The following CNTNAP2 variants were observed in gnomAD, a reference collection of about 807,000 sequenced individuals.
CNTNAP2 encodes the protein contactin-associated protein-like 2.
Under a neutral mutation model 155.2 loss-of-function variants are expected in CNTNAP2, and 98 were observed. That is an observed-to-expected ratio of 0.63 (90% CI 0.54 to 0.75). The LOEUF (loss-of-function observed/expected upper bound fraction) is 0.75. CNTNAP2 is among the 30% of genes least tolerant of loss of function. CNTNAP2 has a pLI of 0.00. For missense variants in CNTNAP2, 1,727 were observed against 1,688.1 expected (o/e 1.02, Z -0.40); for synonymous variants, 651 against 631.2 (o/e 1.03, Z -0.47).
At chr7:148,155,847 C>A (rs1466322262) in intron 17 of CNTNAP2, among the ~76,000 whole-genome samples, 1 of 152,188 alleles carries the variant, frequency 6.6e-6, no homozygotes, top group Non-Finnish European at 1.5e-5. Flanking sequence ...ATACCAGCGT[C>A]CCCTGACTGA....
intron 13 of CNTNAP2, among the ~76,000 whole-genome samples, chr7:147,833,874 T>C (rs1454652230): frequency 1.3e-5 from 2 of 152,142 alleles, no homozygotes; most frequent in Non-Finnish European, 2.9e-5. Context: ...TGGGGCTGAG[T>C]GTCACAGACA....
At chr7:148,187,401 G>C (rs1170584266) in intron 18 of CNTNAP2, among the ~76,000 whole-genome samples, 1 of 152,142 alleles carries the variant, frequency 6.6e-6, no homozygotes, top group Non-Finnish European at 1.5e-5. Context: ...GTAAACACAG[G>C]CCATGCCCTG....
intron 13 of CNTNAP2, among the ~76,000 whole-genome samples, chr7:147,875,453 T>C (rs1252178162): frequency 6.6e-6 from 1 of 152,082 alleles, no homozygotes; most frequent in Admixed American, 6.6e-5. Context: ...ATGATTCAAT[T>C]ACCTCCCACC....
intron 10 of CNTNAP2, among the ~76,000 whole-genome samples, chr7:147,437,896 T>G (rs540364150): frequency 6.6e-6 from 1 of 152,184 alleles, no homozygotes; most frequent in African/African-American, 2.4e-5. Context: ...ATTATAGAGA[T>G]CTTTCATTTC....
chr7:146,367,515 A>C (rs940148067), intron 1 of CNTNAP2, among the ~76,000 whole-genome samples: 13 of 152,184 alleles, frequency 8.5e-5, no homozygotes, highest in Non-Finnish European at 2.9e-5. Flanking sequence ...ATTTGTTACT[A>C]TTAGGATGCT....
chr7:146,715,656 T>C (rs182344589), intron 1 of CNTNAP2, among the ~76,000 whole-genome samples: 1 of 152,298 alleles, frequency 6.6e-6, no homozygotes, highest in Admixed American at 6.5e-5. Flanking sequence ...AAAATATTGC[T>C]TTTGATGAAT....
chr7:148,359,973 G>C (rs1225362154), intron 21 of CNTNAP2, among the ~76,000 whole-genome samples: 1 of 152,140 alleles, frequency 6.6e-6, no homozygotes, highest in Non-Finnish European at 1.5e-5. Flanking sequence ...TAACAGAGGG[G>C]ATCTCGAGAA....
intron 1 of CNTNAP2, among the ~76,000 whole-genome samples, chr7:146,364,775 A>C (rs1795132019): frequency 6.6e-6 from 1 of 152,198 alleles, no homozygotes; most frequent in Non-Finnish European, 1.5e-5. Flanking sequence ...ACAATGAAGG[A>C]CAGTGTTCTG....
intron 1 of CNTNAP2, among the ~76,000 whole-genome samples, chr7:146,594,612 G>A (rs879447608): frequency 6.6e-6 from 1 of 152,026 alleles, no homozygotes; most frequent in East Asian, 1.9e-4. Flanking sequence ...TACATAAAAA[G>A]TGAATTTCTT....
chr7:146,229,425 T>G (rs371602707), intron 1 of CNTNAP2, among the ~76,000 whole-genome samples: 33 of 152,312 alleles, frequency 2.2e-4, no homozygotes, highest in African/African-American at 7.0e-4. Context: ...TCCCAAAGCC[T>G]TTCTTTGTAA....
At chr7:147,915,237 T>A (rs1237589357) in intron 14 of CNTNAP2, among the ~76,000 whole-genome samples, 3 of 152,182 alleles carry the variant, frequency 2.0e-5, no homozygotes, top group Non-Finnish European at 2.9e-5. Flanking sequence ...AAGGAATTTC[T>A]CAGCAAGCTG....
intron 1 of CNTNAP2, among the ~76,000 whole-genome samples, chr7:146,432,147 A>G (rs1298072417): frequency 6.6e-6 from 1 of 152,142 alleles, no homozygotes; most frequent in Non-Finnish European, 1.5e-5. Flanking sequence ...AGTCAAACTC[A>G]GATGATTCAA....
At chr7:148,112,271 C>A in intron 15 of CNTNAP2, among the ~76,000 whole-genome samples, 1 of 151,776 alleles carries the variant, frequency 6.6e-6, no homozygotes, top group South Asian at 2.1e-4. Flanking sequence ...AATACAATTG[C>A]AACAAACAAA....
At chr7:147,526,966 T>C (rs1799333301) in intron 11 of CNTNAP2, among the ~76,000 whole-genome samples, 2 of 148,966 alleles carry the variant, frequency 1.3e-5, no homozygotes, top group African/African-American at 5.0e-5. Context: ...CATTAACCAA[T>C]AGAACAGGTA....
chr7:147,014,965 C>A (rs552142681), intron 3 of CNTNAP2, among the ~76,000 whole-genome samples: 1 of 152,108 alleles, frequency 6.6e-6, no homozygotes, highest in African/African-American at 2.4e-5. Context: ...GAAAAAGAAG[C>A]CTTACTACAA....
intron 13 of CNTNAP2, among the ~76,000 whole-genome samples, chr7:147,663,925 C>A (rs949126912): frequency 6.6e-6 from 1 of 151,918 alleles, no homozygotes; most frequent in African/African-American, 2.4e-5. Flanking sequence ...TTCTTTGTAC[C>A]AACATTTGCT....
At chr7:146,162,896 C>G (rs1307506612) in intron 1 of CNTNAP2, among the ~76,000 whole-genome samples, 1 of 152,164 alleles carries the variant, frequency 6.6e-6, no homozygotes, top group African/African-American at 2.4e-5. Flanking sequence ...TCTCAGCAAA[C>G]TATCACAAGG....
intron 19 of CNTNAP2, among the ~76,000 whole-genome samples, chr7:148,229,310 G>A (rs1325530943): frequency 6.6e-6 from 1 of 152,170 alleles, no homozygotes; most frequent in Non-Finnish European, 1.5e-5. Context: ...GATAGCCTGA[G>A]GTCAGAATTT....
chr7:147,287,291 G>A (rs573265418), intron 8 of CNTNAP2, among the ~76,000 whole-genome samples: 9 of 152,072 alleles, frequency 5.9e-5, no homozygotes, highest in Non-Finnish European at 1.2e-4. Flanking sequence ...GGGAGATGGC[G>A]AAGGATGAGG....
Sources: gnomAD v4.1 joint callset for allele counts (sites outside exome capture counted in the v4.1 genomes callset) on GRCh38, gnomAD v4.1.1 for gene constraint, MANE v1.5 for transcripts, NCBI Gene and HGNC (gene_info 2026-07-23, HGNC 2026-07-21) for gene names.